Variants in AKAP12 observed in about 807,000 individuals in gnomAD.
AKAP12 encodes A-kinase anchoring protein 12.
In AKAP12, 32 loss-of-function variants were observed where a neutral mutation model predicts 79.9. The ratio of observed to expected loss-of-function variants is 0.40; its 90% CI spans 0.30 to 0.54. The LOEUF is 0.54. Ranked by LOEUF, AKAP12 falls within the 20% of genes least tolerant of loss-of-function variation. The probability of loss-of-function intolerance (pLI) is 0.48; values close to 1 mark genes in which losing one functional copy is unlikely to be tolerated. For missense variants in AKAP12, 2,074 were observed against 2,177.0 expected (o/e 0.95, Z 0.94); for synonymous variants, 808 against 857.0 (o/e 0.94, Z 1.00).
chr6:151,325,600 C>G, intron 3 of AKAP12: 1 of 1,352,276 alleles, frequency 7.4e-7, no homozygotes, highest in Non-Finnish European at 9.5e-7. Context: ...CCAGCGCCAG[C>G]CCGCGTGTGG....
In AKAP12 at chr6:151,351,913, C is replaced by A. The variant is rs1297733941; in HGVS notation, c.3522C>A (p.Ser1174Arg). The A allele has an allele frequency of 1.2e-6, 2 of 1,613,972 alleles. No homozygotes were observed. The highest frequency in any genetic ancestry group is 1.7e-6 in the Non-Finnish European group (2 of 1,180,022). Residue 1174 changes from serine to arginine, a missense_variant, in exon 4 of 5, where the codon AGC (serine) becomes AGA (arginine). Around this residue, in one of 3 missense-constraint regions of AKAP12, gnomAD observed 32 missense variants for 60.4 expected, o/e 0.53. Coordinates refer to ENST00000402676, the MANE Select transcript of AKAP12 (RefSeq NM_005100.4). This position sits in a 1 kb window ranked among gnomAD's most constrained non-coding sequence, Gnocchi z 4.4. ...CTACAGACAGTGAGACTGATGGAAGCACCCCCGTAGCCGACTTTGACGCAC... is the reference window on the plus strand; with the variant it reads ...CTACAGACAGTGAGACTGATGGAAGAACCCCCGTAGCCGACTTTGACGCAC... ...ETPTDSETDG[S>R]TPVADFDAPG...
chr6:151,282,804 C>G (rs1776435011), intron 2 of AKAP12, among the ~76,000 whole-genome samples: 1 of 152,172 alleles, frequency 6.6e-6, no homozygotes, highest in African/African-American at 2.4e-5. Context: ...TTCCTGATTA[C>G]TGTCAATGTT....
At chr6:151,339,496 C>T (rs531322106) in intron 3 of AKAP12, among the ~76,000 whole-genome samples, 1 of 152,254 alleles carries the variant, frequency 6.6e-6, no homozygotes, top group African/African-American at 2.4e-5. Context: ...TGTCCCTTGC[C>T]CCAACGTCTG....
chr6:151,281,003 G>A (rs1242332622), intron 2 of AKAP12, among the ~76,000 whole-genome samples: 5 of 152,116 alleles, frequency 3.3e-5, no homozygotes, highest in African/African-American at 1.2e-4. Context: ...ACAAGGTCAT[G>A]TTTAAATTTA....
At chr6:151,291,102 A>C (rs1776609557) in intron 2 of AKAP12, among the ~76,000 whole-genome samples, 1 of 152,108 alleles carries the variant, frequency 6.6e-6, no homozygotes. Flanking sequence ...CACCTCATCC[A>C]GTGTCCCCTT....
At chr6:151,329,534 T>C (rs1399993442) in intron 3 of AKAP12, among the ~76,000 whole-genome samples, 2 of 152,208 alleles carry the variant, frequency 1.3e-5, no homozygotes, top group Non-Finnish European at 2.9e-5. Context: ...TTCTTTAAAG[T>C]AGAAACTGGG....
intron 3 of AKAP12, among the ~76,000 whole-genome samples, chr6:151,342,381 T>C (rs931463281): frequency 6.6e-6 from 1 of 152,172 alleles, no homozygotes; most frequent in African/African-American, 2.4e-5. Context: ...CAGATATAGG[T>C]ACCTGCCAGA....
chr6:151,322,406 A>T (rs562950669), intron 3 of AKAP12, among the ~76,000 whole-genome samples: 74 of 152,118 alleles, frequency 4.9e-4, no homozygotes, highest in Non-Finnish European at 8.5e-4. Flanking sequence ...TTAACATGTC[A>T]TTCAAGACCC....
At chr6:151,295,639 T>G (rs374375868) in intron 2 of AKAP12, among the ~76,000 whole-genome samples, 1 of 152,236 alleles carries the variant, frequency 6.6e-6, no homozygotes, top group South Asian at 2.1e-4. Context: ...TAGGATTAAA[T>G]TAAATTAGTT....
At chr6:151,277,782 T>G (rs1165105616) in intron 2 of AKAP12, among the ~76,000 whole-genome samples, 1 of 152,238 alleles carries the variant, frequency 6.6e-6, no homozygotes, top group Non-Finnish European at 1.5e-5. Flanking sequence ...GGAACAAATT[T>G]TAAGAGTAAT....
At chr6:151,353,926 T>C (rs766270248) in intron 4 of AKAP12, among the ~76,000 whole-genome samples, 174 bp downstream of exon 4, 5 of 152,308 alleles carry the variant, frequency 3.3e-5, no homozygotes, top group Admixed American at 2.6e-4. Context: ...TTTTTGGTGA[T>C]TGAAATGCCA....
chr6:151,348,660 T>C (rs1466015584), intron 3 of AKAP12, 51 bp from the exon 4 acceptor site: 2 of 1,210,880 alleles, frequency 1.7e-6, no homozygotes, highest in South Asian at 3.0e-5. Flanking sequence ...TTTCTTGTAT[T>C]GTAATCACCT....
intron 2 of AKAP12, among the ~76,000 whole-genome samples, chr6:151,241,647 G>A (rs1310787649): frequency 1.3e-5 from 2 of 152,118 alleles, no homozygotes; most frequent in African/African-American, 2.4e-5. Context: ...TCCAGCGCAT[G>A]TGTTCATTAG....
chr6:151,241,979 C>T (rs1582826384), intron 2 of AKAP12, among the ~76,000 whole-genome samples: 1 of 152,096 alleles, frequency 6.6e-6, no homozygotes, highest in Admixed American at 6.6e-5. Context: ...TCCATGGTCC[C>T]TAGATATTAA....
intron 2 of AKAP12, among the ~76,000 whole-genome samples, chr6:151,268,833 G>C (rs149898791): frequency 6.6e-6 from 1 of 151,716 alleles, no homozygotes; most frequent in Non-Finnish European, 1.5e-5. Flanking sequence ...TTGTAGAGAC[G>C]GGGTTTCACC....
chr6:151,354,720 G>A (rs1044621907), intron 4 of AKAP12, among the ~76,000 whole-genome samples: 1 of 152,002 alleles, frequency 6.6e-6, no homozygotes, highest in African/African-American at 2.4e-5. Context: ...CACCCAGGCT[G>A]GAATGCCGTG....
chr6:151,303,312 C>T (rs1265855869), intron 2 of AKAP12, among the ~76,000 whole-genome samples: 1 of 152,122 alleles, frequency 6.6e-6, no homozygotes, highest in Non-Finnish European at 1.5e-5. Context: ...TTTAAAATGC[C>T]CATCTTTCAT....
chr6:151,264,065 G>T (rs948970759), intron 2 of AKAP12, among the ~76,000 whole-genome samples: 1 of 152,132 alleles, frequency 6.6e-6, no homozygotes, highest in Non-Finnish European at 1.5e-5. Flanking sequence ...CTTGGGGCAG[G>T]TGGAGGGGGC....
chr6:151,350,014 C>A lies in AKAP12; in HGVS notation c.1623C>A (p.Asp541Glu), dbSNP rs367749583. 2 of 1,613,796 alleles carry A rather than the reference C, an allele frequency of 1.2e-6. No homozygotes were observed. The highest frequency in any genetic ancestry group is 1.7e-6 in the Non-Finnish European group (2 of 1,179,996). ...AGAAAGGGAAAAGAGGAGGAGGAGA[C>A]GAGGAATCAGGGGAGCACACTCAGG... is the stretch of plus-strand genomic sequence containing the variant. ...KKQKGKRGGG[D>E]EESGEHTQVP... Residue 541 changes from aspartate (D) to glutamate (E), a missense_variant, in exon 4 of 5, where the codon GAC (aspartate) becomes GAA (glutamate). Asp to Glu is a conservative substitution (Grantham distance 45). Around this residue, in one of 3 missense-constraint regions of AKAP12, gnomAD observed 1,428 missense variants for 1,451.0 expected, o/e 0.98. Transcript: ENST00000402676. The surrounding 1 kb of genome is among the most constrained non-coding windows in gnomAD (Gnocchi z 4.8).
Sources: gnomAD v4.1 joint callset for allele counts (sites outside exome capture counted in the v4.1 genomes callset) on GRCh38, gnomAD v4.1.1 for gene constraint, gnomAD v4.1.1 regional missense constraint, Gnocchi (gnomAD v3.1) non-coding constraint, MANE v1.5 for transcripts, NCBI Gene and HGNC (gene_info 2026-07-23, HGNC 2026-07-21) for gene names.